SEC22C: variants seen among roughly 807,000 people sequenced by gnomAD.
The protein encoded by SEC22C is vesicle-trafficking protein SEC22c.
Under a neutral mutation model 34.7 loss-of-function variants are expected in SEC22C, and 29 were observed. That is an observed-to-expected ratio of 0.84 (90% CI 0.62 to 1.14). The LOEUF is 1.14. SEC22C is among the 50% of genes most tolerant of loss of function. SEC22C has a pLI of 0.00. For synonymous variants in SEC22C, 117 were observed against 132.8 expected, an observed-to-expected ratio of 0.88 and a Z score of 0.82; for missense variants, 337 against 369.0, an observed-to-expected ratio of 0.91 and a Z score of 0.71.
chr3:42,583,195 A>C (rs1308769995), upstream of SEC22C, among the ~76,000 whole-genome samples: 1 of 152,260 alleles, frequency 6.6e-6, no homozygotes, highest in Non-Finnish European at 1.5e-5. Context: ...GCTAAAGTGC[A>C]GATCAAAATG....
rs777958072 is a variant in SEC22C at position 42,568,866 on chromosome 3, G to A, written c.181C>T (p.His61Tyr). 6.2e-6 allele frequency: 10 copies of A among 1,613,722 alleles called. No individual in the cohort carries two copies. In the East Asian group the frequency reaches 2.2e-4, roughly 36 times the overall value. Residue 61 changes from histidine (H) to tyrosine (Y), a missense_variant and splice_region_variant, in exon 2 of 7, where the codon CAT (histidine) becomes TAT (tyrosine). Transcript: ENST00000264454. ...GSAEGCDFSI[H>Y]FSSFGDVACM... is the part of the protein sequence containing the mutation. The stretch of plus-strand genomic sequence containing the variant: ...GAAAAAGTGAATATGATCACTTACT[G>A]TATACTAAAGTCACAACCTTCTGCA...
chr3:42,567,788 T>A (rs1703344478), intron 2 of SEC22C, among the ~76,000 whole-genome samples: 1 of 152,172 alleles, frequency 6.6e-6, no homozygotes, highest in Non-Finnish European at 1.5e-5. Flanking sequence ...AATTTAAAAA[T>A]GACCAGGCGC....
At position 42,561,990 on chromosome 3, in the gene SEC22C, A is replaced by G. The variant is rs541511289; in HGVS notation, c.347-694T>C. Among the ~76,000 whole-genome samples the G allele has an allele frequency of 9.5e-5, 11 of 115,484 alleles. No individual in the cohort carries two copies. The East Asian group carries it at 3.4e-3, about 36-fold the overall frequency. 75.8% of individuals were successfully genotyped at this position (115,484 alleles called of 152,430 possible). A position where few individuals can be genotyped will look rare whatever the true frequency, so the allele number is the denominator to read the frequency against. ...GAGACAGTTATTCCTGACCTGATTA[A>G]CTCAAAAAAAAAGGGCTTGTTTGAA... is the stretch of plus-strand genomic sequence containing the variant. On this transcript the variant is annotated intron_variant, in intron 3 of 6. Coordinates refer to ENST00000264454, the MANE Select transcript of SEC22C (RefSeq NM_032970.4).
chr3:42,580,878 T>A (rs1294354755), intron 1 of SEC22C, among the ~76,000 whole-genome samples: 1 of 152,246 alleles, frequency 6.6e-6, no homozygotes, highest in Non-Finnish European at 1.5e-5. Context: ...AGCCTGAGAT[T>A]ACACTTGTTA....
intron 1 of SEC22C, among the ~76,000 whole-genome samples, chr3:42,574,971 A>G (rs1188101067): frequency 6.6e-6 from 1 of 152,098 alleles, no homozygotes; most frequent in Non-Finnish European, 1.5e-5. Flanking sequence ...CCTCCCAAGT[A>G]GCTGGGACTA....
At chr3:42,597,743 T>C (rs1705070860) in intron 1 of SEC22C, among the ~76,000 whole-genome samples, 1 of 152,210 alleles carries the variant, frequency 6.6e-6, no homozygotes, top group African/African-American at 2.4e-5. Context: ...TGGCTATTGT[T>C]AGTGTTAGTG....
rs1432915258 is a variant in SEC22C at position 42,557,575 on chromosome 3, T to G, written c.645+3A>C. 1 of 1,411,950 alleles carries G rather than the reference T, an allele frequency of 7.1e-7. No homozygotes were observed. The allele number at this position is 1,411,950 out of a possible 1,614,324, so 87.5% of individuals were successfully genotyped here. On this transcript the variant is annotated splice_donor_region_variant and intron_variant, in intron 5 of 6. Coordinates refer to ENST00000264454, the MANE Select transcript of SEC22C (RefSeq NM_032970.4). ...ACTGTTTTAAAAAAAAAAAAAAGGTTACCTGTAAAGAATGTTCTGCAAGGT... is the reference window on the plus strand; with the variant it reads ...ACTGTTTTAAAAAAAAAAAAAAGGTGACCTGTAAAGAATGTTCTGCAAGGT...
rs71072721 is a variant in SEC22C, at chr3:42,566,678, C to CAAA, written c.182+2184_182+2186dup. 6.0e-3 allele frequency: 782 copies of CAAA among 129,862 alleles called. 7 individuals carry two copies. The highest frequency in any genetic ancestry group is 0.016 in the African/African-American group (540 of 33,874). The allele number at this position is 129,862 out of a possible 1,614,324, so 8.0% of individuals were successfully genotyped here. ...TGGGCGACAGAGCGAGACTCCGTCT[C>CAAA]AAAAAAAAAAAAAAAAATTTACTAT... On this transcript the variant is annotated intron_variant, in intron 2 of 6. Coordinates refer to ENST00000264454, the MANE Select transcript of SEC22C (RefSeq NM_032970.4).
In SEC22C at chr3:42,551,758, TAAC is replaced by T; in HGVS notation, c.*1487_*1489del. ...TATAAACTTATTTTTCTTAAAATGA[TAAC>T]AAGGTAGCTCAATAACAATACAATA... On this transcript the variant is annotated 3_prime_UTR_variant, in exon 7 of 7. Transcript: ENST00000264454. The T allele has an allele frequency of 1.0e-6, 1 of 969,334 alleles. No homozygotes were observed. The highest frequency in any genetic ancestry group is 1.2e-6 in the Non-Finnish European group (1 of 815,254). 60.0% of individuals were successfully genotyped at this position (969,334 alleles called of 1,614,324 possible).
Position 42,549,485 on chromosome 3 carries a change from C to T in SEC22C, c.*3763G>A, listed in dbSNP as rs1475400248. On this transcript the variant is annotated 3_prime_UTR_variant, in exon 7 of 7. Transcript: ENST00000264454. The stretch of plus-strand genomic sequence containing the variant: ...AGCTCTGCTCCCTACCTATGCCCTG[C>T]TTCCTGTGCCTCACACAGCCAGCCT... The T allele has an allele frequency of 1.0e-6, 1 of 985,806 alleles. No individual in the cohort carries two copies. Among genetic ancestry groups the T allele is most frequent in the Non-Finnish European group, 1.2e-6 (1 of 830,312 alleles). 61.1% of individuals were successfully genotyped at this position (985,806 alleles called of 1,614,324 possible). A position where few individuals can be genotyped will look rare whatever the true frequency, so the allele number is the denominator to read the frequency against.
At chr3:42,589,640 A>C (rs1704746110) in intron 1 of SEC22C, among the ~76,000 whole-genome samples, 2 of 152,220 alleles carry the variant, frequency 1.3e-5, no homozygotes. Context: ...AGATTCTCAC[A>C]GGAGCGTGAA....
At chr3:42,575,689 A>G (rs1703915977) in intron 1 of SEC22C, among the ~76,000 whole-genome samples, 1 of 152,264 alleles carries the variant, frequency 6.6e-6, no homozygotes, top group South Asian at 2.1e-4. Context: ...ACTTCAATCA[A>G]CTGCACCTCA....
chr3:42,584,990 G>A (rs551489257), upstream of SEC22C, among the ~76,000 whole-genome samples: 53 of 152,106 alleles, frequency 3.5e-4, no homozygotes, highest in Admixed American at 7.9e-4. Context: ...TTAGCCGGGC[G>A]TGATGGTGGA....
At chr3:42,558,541 C>T (rs547134502) in intron 4 of SEC22C, among the ~76,000 whole-genome samples, 11 of 148,510 alleles carry the variant, frequency 7.4e-5, no homozygotes, top group African/African-American at 2.2e-4. Flanking sequence ...AATCCCAGCA[C>T]TTTGGGAGGC....
chr3:42,557,439 G>T (rs903512963), intron 5 of SEC22C, 139 bp downstream of exon 5: 2 of 453,334 alleles, frequency 4.4e-6, no homozygotes, highest in Non-Finnish European at 7.9e-6. Flanking sequence ...TTACTACAAA[G>T]AATAAAATTT....
chr3:42,556,135 T>C, intron 5 of SEC22C, 140 bp from the exon 6 acceptor site: 1 of 649,578 alleles, frequency 1.5e-6, no homozygotes, highest in East Asian at 2.8e-5. Context: ...AAGTTCCTGT[T>C]TATGCACCAG....
chr3:42,556,617 T>C (rs1235032337), intron 5 of SEC22C, among the ~76,000 whole-genome samples: 1 of 152,266 alleles, frequency 6.6e-6, no homozygotes, highest in Admixed American at 6.5e-5. Flanking sequence ...CAGTCATGCT[T>C]CAGACTTTAC....
intron 1 of SEC22C, among the ~76,000 whole-genome samples, chr3:42,593,893 C>T (rs1403815130): frequency 6.6e-6 from 1 of 152,060 alleles, no homozygotes; most frequent in Non-Finnish European, 1.5e-5. Context: ...TGGAAAAGCC[C>T]CCTAGTAGGA....
At chr3:42,570,969 CAGTT>C (rs1181580786) in intron 1 of SEC22C, among the ~76,000 whole-genome samples, 2 of 152,070 alleles carry the variant, frequency 1.3e-5, no homozygotes, top group African/African-American at 2.4e-5. Context: ...GATACCAAAA[CAGTT>C]AGAGACAGGA....
Sources: allele counts gnomAD v4.1 joint callset (sites outside exome capture counted in the v4.1 genomes callset), GRCh38; gene constraint gnomAD v4.1.1; transcripts MANE v1.5; gene names NCBI Gene and HGNC (gene_info 2026-07-23, HGNC 2026-07-21).